Variants in CDH18 observed in about 807,000 individuals in gnomAD.
CDH18 encodes the protein cadherin 18.
Under a neutral mutation model 67.9 loss-of-function variants are expected in CDH18, and 31 were observed. The ratio of observed to expected loss-of-function variants is 0.46; its 90% CI spans 0.34 to 0.62. The LOEUF (loss-of-function observed/expected upper bound fraction) is 0.62. CDH18 is among the 20% of genes least tolerant of loss of function. The pLI, the probability that CDH18 is intolerant of heterozygous loss-of-function variation, is 0.01. For missense variants in CDH18, 890 were observed against 975.5 expected (o/e 0.91, Z 1.17); for synonymous variants, 362 against 347.2 (o/e 1.04, Z -0.48).
chr5:20,304,668 T>A (rs1736263444), intron 1 of CDH18: 2 of 1,611,830 alleles, frequency 1.2e-6, no homozygotes, highest in Non-Finnish European at 1.7e-6. Flanking sequence ...CTAGTGATGA[T>A]GGGTCCGTTT....
At chr5:19,938,126 T>C (rs2150222055) in intron 2 of CDH18, among the ~76,000 whole-genome samples, 1 of 150,128 alleles carries the variant, frequency 6.7e-6, no homozygotes, top group East Asian at 2.0e-4. Context: ...AATTTAGAGA[T>C]TTAGAGGGTG....
At chr5:19,816,954 A>C (rs1779352009) in intron 3 of CDH18, among the ~76,000 whole-genome samples, 1 of 151,894 alleles carries the variant, frequency 6.6e-6, no homozygotes, top group Admixed American at 6.6e-5. Flanking sequence ...CAACTGTGAA[A>C]AATTATTAAT....
chr5:20,342,956 A>G (rs1376992641), intron 1 of CDH18, among the ~76,000 whole-genome samples: 2 of 152,166 alleles, frequency 1.3e-5, no homozygotes, highest in Admixed American at 6.5e-5. Context: ...ACCCTTCACC[A>G]ATGCCTTGCA....
chr5:20,205,891 CA>C (rs746692112), intron 2 of CDH18, among the ~76,000 whole-genome samples: 5 of 151,326 alleles, frequency 3.3e-5, no homozygotes, highest in Non-Finnish European at 5.9e-5. Context: ...ATATCTATAC[CA>C]AAAAAGTGTA....
At chr5:20,271,239 T>A (rs1038982408) in intron 1 of CDH18, among the ~76,000 whole-genome samples, 1 of 152,242 alleles carries the variant, frequency 6.6e-6, no homozygotes, top group African/African-American at 2.4e-5. Context: ...GAGATAACTA[T>A]GGATAAGTTA....
chr5:20,157,395 C>A (rs1274783073), intron 2 of CDH18, among the ~76,000 whole-genome samples: 1 of 152,034 alleles, frequency 6.6e-6, no homozygotes, highest in East Asian at 1.9e-4. Flanking sequence ...TCAGTGATAA[C>A]TAATATCATT....
chr5:19,951,672 G>C (rs1445521665), intron 2 of CDH18, among the ~76,000 whole-genome samples: 4 of 152,070 alleles, frequency 2.6e-5, no homozygotes. Flanking sequence ...TAAAATGATT[G>C]CGTTTTTAGG....
intron 5 of CDH18, among the ~76,000 whole-genome samples, chr5:19,675,404 T>C (rs1813238): frequency 0.56 from 85,439 of 151,900 alleles, 27,199 homozygotes; most frequent in East Asian, 0.74. Context: ...TTTCATCCCT[T>C]AACGACAAAC....
intron 3 of CDH18, among the ~76,000 whole-genome samples, chr5:19,796,161 T>C (rs545806237): frequency 1.3e-5 from 2 of 152,148 alleles, no homozygotes; most frequent in South Asian, 4.1e-4. Flanking sequence ...ATTTTAAAGA[T>C]ATAATGACTG....
At chr5:19,555,073 A>G (rs1345109236) in intron 8 of CDH18, among the ~76,000 whole-genome samples, 4 of 152,200 alleles carry the variant, frequency 2.6e-5, no homozygotes, top group Admixed American at 2.6e-4. Flanking sequence ...ATCCTGTGTG[A>G]AATAAGCATC....
chr5:20,130,307 A>C (rs1749162384), intron 2 of CDH18, among the ~76,000 whole-genome samples: 1 of 151,646 alleles, frequency 6.6e-6, no homozygotes, highest in African/African-American at 2.4e-5. Flanking sequence ...CAAGTTCAAA[A>C]TCCTCTGGGC....
At chr5:20,513,063 G>T (rs536298154) in intron 1 of CDH18, among the ~76,000 whole-genome samples, 1 of 151,922 alleles carries the variant, frequency 6.6e-6, no homozygotes, top group Non-Finnish European at 1.5e-5. Context: ...TAATAATTTC[G>T]TACAGATTTC....
chr5:20,337,309 G>T (rs1455312465), intron 1 of CDH18, among the ~76,000 whole-genome samples: 5 of 152,244 alleles, frequency 3.3e-5, no homozygotes, highest in African/African-American at 1.2e-4. Flanking sequence ...TATTCACATT[G>T]TCAGGCTGCA....
Position 19,829,296 on chromosome 5 carries a change from C to T in CDH18, c.228+9463G>A, listed in dbSNP as rs138678756. Among the ~76,000 whole-genome samples, 831 of 152,076 alleles carry T rather than the reference C, an allele frequency of 5.5e-3. 5 individuals are homozygous for T. Among genetic ancestry groups the T allele is most frequent in the African/African-American group, 0.019 (806 of 41,488 alleles). On this transcript the variant is annotated intron_variant, in intron 3 of 12. Coordinates refer to ENST00000382275, the MANE Select transcript of CDH18 (RefSeq NM_004934.5). Reference sequence around the variant, plus strand: ...TTTTTCTGTTTGCAAATGATATAATCCTATACCTAGAAAACCCTATAGTCT... The same window carrying T: ...TTTTTCTGTTTGCAAATGATATAATTCTATACCTAGAAAACCCTATAGTCT...
intron 1 of CDH18, among the ~76,000 whole-genome samples, chr5:20,435,091 T>C (rs1032637878): frequency 1.3e-5 from 2 of 152,074 alleles, no homozygotes; most frequent in Non-Finnish European, 2.9e-5. Context: ...AATGTGAAGA[T>C]GCAATTTAGA....
intron 11 of CDH18, among the ~76,000 whole-genome samples, chr5:19,499,883 T>C (rs754535942): frequency 6.6e-6 from 1 of 152,140 alleles, no homozygotes; most frequent in African/African-American, 2.4e-5. Context: ...ACTAAACCAA[T>C]AGCTTTCTGA....
intron 10 of CDH18, among the ~76,000 whole-genome samples, chr5:19,507,385 C>T (rs1172355188): frequency 6.6e-6 from 1 of 152,112 alleles, no homozygotes; most frequent in African/African-American, 2.4e-5. Context: ...TGCCATTTGA[C>T]CCAGCCATCC....
At chr5:20,340,805 CA>C (rs1740193599) in intron 1 of CDH18, among the ~76,000 whole-genome samples, 1 of 152,142 alleles carries the variant, frequency 6.6e-6, no homozygotes, top group South Asian at 2.1e-4. Flanking sequence ...CCGTGATGAA[CA>C]ACTCAGGAAA....
At chr5:19,508,438 T>C (rs1469692266) in intron 10 of CDH18, among the ~76,000 whole-genome samples, 1 of 152,166 alleles carries the variant, frequency 6.6e-6, no homozygotes, top group Non-Finnish European at 1.5e-5. Context: ...TTTTGATTCA[T>C]GTGTCTTCTA....
Sources: allele counts gnomAD v4.1 joint callset (sites outside exome capture counted in the v4.1 genomes callset), GRCh38; gene constraint gnomAD v4.1.1; transcripts MANE v1.5; gene names NCBI Gene and HGNC (gene_info 2026-07-23, HGNC 2026-07-21).